Variants in MTPAP observed in about 807,000 individuals in gnomAD.
The protein encoded by MTPAP is poly(A) RNA polymerase, mitochondrial.
MTPAP carries 23 observed loss-of-function variants against 48.7 expected under a neutral mutation model. The observed-to-expected ratio is 0.47, with a 90% CI of 0.34 to 0.67. MTPAP has a LOEUF of 0.67. MTPAP is among the 30% of genes least tolerant of loss of function. The probability of loss-of-function intolerance (pLI) is 0.01; values close to 1 mark genes in which losing one functional copy is unlikely to be tolerated. For missense variants in MTPAP, 614 were observed against 694.3 expected (o/e 0.88, Z 1.30); for synonymous variants, 257 against 254.1 (o/e 1.01, Z -0.11).
rs55642261 is a variant in MTPAP, at chr10:30,327,499, AAAATAAATAAATAAAT to A, written c.781-880_781-865del. 3.9e-3 allele frequency among the ~76,000 whole-genome samples: 538 copies of A among 138,992 alleles called. 2 individuals are homozygous for A. Among genetic ancestry groups the A allele is most frequent in the South Asian group, 0.027 (112 of 4,158 alleles). The allele number at this position is 138,992 out of a possible 152,430, so 91.2% of individuals were successfully genotyped here. A position where few individuals can be genotyped will look rare whatever the true frequency, so the allele number is the denominator to read the frequency against. ...GGGCAACTGAGCGAGACTCCATTTC[AAAATAAATAAATAAAT>A]AAATAAATAAATAAATAAATAAATA... On this transcript the variant is annotated intron_variant, in intron 4 of 8. Transcript: ENST00000263063.
chr10:30,338,840 C>T (rs1834762001), intron 3 of MTPAP, among the ~76,000 whole-genome samples: 1 of 151,796 alleles, frequency 6.6e-6, no homozygotes, highest in South Asian at 2.1e-4. Context: ...AACACCAAGA[C>T]AGGCCAGGTG....
chr10:30,336,294 T>C (rs571051170), intron 4 of MTPAP, among the ~76,000 whole-genome samples: 3 of 152,160 alleles, frequency 2.0e-5, no homozygotes, highest in African/African-American at 7.2e-5. Context: ...AAAGTATTTA[T>C]AGAGATGAAT....
rs1052336088 is a variant in MTPAP, at chr10:30,349,227, G to A, written c.49C>T (p.Arg17Trp). 6.2e-7 allele frequency: 1 copy of A among 1,604,584 alleles called. No individual in the cohort carries two copies. Among genetic ancestry groups the A allele is most frequent in the Admixed American group, 1.7e-5 (1 of 58,958 alleles). The change falls in exon 1 of 9, where the codon CGG becomes TGG. Residue 17 changes from arginine to tryptophan, a missense_variant. By Grantham distance (101) the Arg-to-Trp change is moderately radical. Coordinates refer to ENST00000263063, the MANE Select transcript of MTPAP (RefSeq NM_018109.4). ...GLLTRLNLCARRRTRVQRPIV... is the reference protein window; with the variant it reads ...GLLTRLNLCAWRRTRVQRPIV... ...GGCCGCTGGACTCGAGTTCTTCTCC[G>A]GGCACACAGGTTCAAACGGGTCAAG...
At chr10:30,316,066 A>G in intron 7 of MTPAP, 30 bp from the exon 8 acceptor site, 2 of 1,610,482 alleles carry the variant, frequency 1.2e-6, no homozygotes, top group Non-Finnish European at 1.7e-6. Context: ...GGACAATCAG[A>G]GGAAAGCCTG....
chr10:30,340,598 A>G (rs1219973701), intron 2 of MTPAP, 148 bp from the exon 3 acceptor site: 3 of 734,574 alleles, frequency 4.1e-6, no homozygotes, highest in African/African-American at 1.8e-5. Flanking sequence ...CATAGCATTA[A>G]TTTTATTCAA....
chr10:30,338,919 C>A (rs1357135340), intron 3 of MTPAP, among the ~76,000 whole-genome samples: 9 of 151,434 alleles, frequency 5.9e-5, no homozygotes, highest in African/African-American at 9.7e-5. Context: ...GTCAGGAGAT[C>A]GAGACCATCC....
In MTPAP at chr10:30,349,248, T is replaced by C. The variant is rs1377386704; in HGVS notation, c.28A>G (p.Thr10Ala). MAVPGVGLL[T>A]RLNLCARRRT... is the part of the protein sequence containing the mutation. ...CTCCGGGCACACAGGTTCAAACGGG[T>C]CAAGAGCCCCACGCCGGGAACCGCC... The change falls in exon 1 of 9, where the codon ACC (threonine) becomes GCC (alanine). Residue 10 changes from threonine to alanine, a missense_variant. Thr to Ala is a moderately conservative substitution (Grantham distance 58). This residue lies in a region of MTPAP where 125 missense variants were observed against 111.5 expected (regional missense o/e 1.12). Coordinates refer to ENST00000263063, the MANE Select transcript of MTPAP (RefSeq NM_018109.4). 1 of 1,515,460 alleles carries C rather than the reference T, an allele frequency of 6.6e-7. No homozygotes were observed. Among genetic ancestry groups the C allele is most frequent in the Admixed American group, 1.9e-5 (1 of 52,494 alleles). The allele number at this position is 1,515,460 out of a possible 1,614,324, so 93.9% of individuals were successfully genotyped here.
chr10:30,347,974 T>TG (rs1402123780), intron 1 of MTPAP, among the ~76,000 whole-genome samples: 2 of 152,244 alleles, frequency 1.3e-5, no homozygotes, highest in Non-Finnish European at 2.9e-5. Flanking sequence ...AAGCTACCCT[T>TG]GGACTACCCT....
intron 3 of MTPAP, 117 bp downstream of exon 3, chr10:30,340,109 T>C (rs1424954760): frequency 2.2e-6 from 2 of 905,284 alleles, no homozygotes; most frequent in Non-Finnish European, 3.4e-6. Context: ...TTTCACCTTG[T>C]AAAACTGAAG....
At chr10:30,320,454 C>A (rs934592326) in intron 6 of MTPAP, among the ~76,000 whole-genome samples, 1 of 151,894 alleles carries the variant, frequency 6.6e-6, no homozygotes, top group Admixed American at 6.6e-5. Flanking sequence ...CCCGGGAGGT[C>A]GAGGCTATAG....
chr10:30,326,524 C>T lies in MTPAP; in HGVS notation c.892G>A (p.Gly298Ser), dbSNP rs1834599298. Residue 298 changes from glycine to serine, a missense_variant, in exon 5 of 9, where the codon GGC becomes AGC. Transcript: ENST00000263063. ...AATATTTTTTGCACACCCACACAGCCAGGGCCAAAGTGGTCAAGGCACTCT... is the reference window on the plus strand; with the variant it reads ...AATATTTTTTGCACACCCACACAGCTAGGGCCAAAGTGGTCAAGGCACTCT... ...LGECLDHFGP[G>S]CVGVQKILNA... 1 of 1,614,028 alleles carries T rather than the reference C, an allele frequency of 6.2e-7. No individual in the cohort carries two copies. The highest frequency in any genetic ancestry group is 1.3e-5 in the African/African-American group (1 of 74,898).
At position 30,322,604 on chromosome 10, in the gene MTPAP, T is replaced by G; in HGVS notation, c.1006A>C (p.Ser336Arg). The G allele has an allele frequency of 6.2e-7, 1 of 1,611,274 alleles. No homozygotes were observed. The highest frequency in any genetic ancestry group is 8.5e-7 in the Non-Finnish European group (1 of 1,177,718). Residue 336 changes from serine (S) to arginine (R), a missense_variant, in exon 6 of 9, where the codon AGT (serine) becomes CGT (arginine). Ser to Arg is a moderately radical substitution (Grantham distance 110, BLOSUM62 -1). This residue lies in a region of MTPAP where 261 missense variants were observed against 355.4 expected (regional missense o/e 0.73). Coordinates refer to ENST00000263063, the MANE Select transcript of MTPAP (RefSeq NM_018109.4). ...CCATATATATAAAGGAGTTCGGAAC[T>G]TGTCAAGGCAATCCTTCAAAAAATA... ...LTTNNRIALT[S>R]SELLYIYGAL...
intron 1 of MTPAP, among the ~76,000 whole-genome samples, chr10:30,344,866 G>A (rs1392670302): frequency 6.6e-6 from 1 of 152,098 alleles, no homozygotes; most frequent in Non-Finnish European, 1.5e-5. Flanking sequence ...ACTGCGCCAG[G>A]CTAATTTTTA....
chr10:30,322,719 T>A, intron 5 of MTPAP, 102 bp from the exon 6 acceptor site: 1 of 803,992 alleles, frequency 1.2e-6, no homozygotes, highest in Non-Finnish European at 2.1e-6. Flanking sequence ...TCCTACTATA[T>A]CTGAATGTAT....
At chr10:30,341,676 C>T in intron 1 of MTPAP, 36 bp from the exon 2 acceptor site, 1 of 1,610,472 alleles carries the variant, frequency 6.2e-7, no homozygotes, top group Non-Finnish European at 8.5e-7. Context: ...ACCACACGCA[C>T]ACACACAAAA....
chr10:30,324,917 C>T (rs1266813424), intron 5 of MTPAP, among the ~76,000 whole-genome samples: 8 of 151,158 alleles, frequency 5.3e-5, no homozygotes, highest in South Asian at 2.1e-4. Flanking sequence ...AGCCAGGAGG[C>T]GGAGGTTGCA....
At chr10:30,341,051 G>A (rs1212788610) in intron 2 of MTPAP, among the ~76,000 whole-genome samples, 1 of 152,122 alleles carries the variant, frequency 6.6e-6, no homozygotes, top group African/African-American at 2.4e-5. Flanking sequence ...GCAAGTTAAA[G>A]AGACTATCTA....
chr10:30,330,034 G>T (rs568934205), intron 4 of MTPAP, among the ~76,000 whole-genome samples: 1 of 151,896 alleles, frequency 6.6e-6, no homozygotes, highest in South Asian at 2.1e-4. Flanking sequence ...TTATTCACCG[G>T]GTTATCTCTG....
chr10:30,343,272 G>C (rs1243608832), intron 1 of MTPAP, among the ~76,000 whole-genome samples: 4 of 151,964 alleles, frequency 2.6e-5, no homozygotes, highest in Non-Finnish European at 5.9e-5. Context: ...AAATTAGCCA[G>C]GCGTGGTGTC....
Sources: gnomAD v4.1 joint callset for allele counts (sites outside exome capture counted in the v4.1 genomes callset) on GRCh38, gnomAD v4.1.1 for gene constraint, gnomAD v4.1.1 regional missense constraint, MANE v1.5 for transcripts, NCBI Gene and HGNC (gene_info 2026-07-23, HGNC 2026-07-21) for gene names.